AUH: variants seen among roughly 807,000 people sequenced by gnomAD.
The protein encoded by AUH is AU RNA binding methylglutaconyl-CoA hydratase.
In AUH, 29 loss-of-function variants were observed where a neutral mutation model predicts 42.3. The observed-to-expected ratio is 0.69, with a 90% CI of 0.51 to 0.93. The LOEUF (loss-of-function observed/expected upper bound fraction) is 0.93. AUH is among the 40% of genes least tolerant of loss of function. The pLI, the probability that AUH is intolerant of heterozygous loss-of-function variation, is 0.00. For synonymous variants in AUH, 174 were observed against 166.4 expected (o/e 1.05, Z -0.35); for missense variants, 452 against 438.1 (o/e 1.03, Z -0.28).
At chr9:91,333,107 G>T (rs1048773326) in intron 3 of AUH, among the ~76,000 whole-genome samples, 5 of 152,194 alleles carry the variant, frequency 3.3e-5, no homozygotes, top group Non-Finnish European at 1.5e-5. Context: ...CAGGGAGGGG[G>T]TATTACAAGA....
intron 6 of AUH, among the ~76,000 whole-genome samples, chr9:91,286,526 A>T (rs1034710474): frequency 1.3e-5 from 2 of 152,116 alleles, no homozygotes; most frequent in Non-Finnish European, 2.9e-5. Flanking sequence ...TCACTACCCC[A>T]ACCAAATGAT....
In AUH at chr9:91,230,706, T is replaced by C. The variant is rs367616258; in HGVS notation, c.656-9714A>G. The stretch of plus-strand genomic sequence containing the variant: ...GGTTTTATCTACTTTTGGTCTTTGA[T>C]GATGGTGATGTACAGATGGGTTTTT... On this transcript the variant is annotated intron_variant, in intron 6 of 9. Coordinates refer to ENST00000375731, the MANE Select transcript of AUH (RefSeq NM_001698.3). Among the ~76,000 whole-genome samples, 8 of 152,258 alleles carry C rather than the reference T, an allele frequency of 5.3e-5. No individual in the cohort carries two copies. The East Asian group carries it at 1.5e-3, about 29-fold the overall frequency.
intron 5 of AUH, 89 bp downstream of exon 5, chr9:91,297,895 G>T: frequency 9.3e-7 from 1 of 1,077,192 alleles, no homozygotes; most frequent in Non-Finnish European, 1.4e-6. Flanking sequence ...CTCAACAACA[G>T]GAAGCAGAAT....
rs545815764 is a variant in AUH at position 91,335,040 on chromosome 9, C to T, written c.419-9636G>A. On this transcript the variant is annotated intron_variant, in intron 3 of 9. Coordinates refer to ENST00000375731, the MANE Select transcript of AUH (RefSeq NM_001698.3). ...AGGAAACTAGTCTGTTTTTCTTTCC[C>T]GCTGCTCTTACGTGGTGGTTGTCAG... Among the ~76,000 whole-genome samples the T allele has an allele frequency of 3.8e-4, 58 of 152,148 alleles. 1 individual carries two copies. The highest frequency in any genetic ancestry group is 7.2e-4 in the Non-Finnish European group (49 of 68,030).
intron 5 of AUH, among the ~76,000 whole-genome samples, chr9:91,296,995 GAGA>G (rs1827390435): frequency 6.6e-6 from 1 of 152,230 alleles, no homozygotes; most frequent in Admixed American, 6.5e-5. Flanking sequence ...TGGAAAGCAA[GAGA>G]AGAACAGTGA....
chr9:91,250,777 G>A (rs1013197585), intron 6 of AUH, among the ~76,000 whole-genome samples: 2 of 152,180 alleles, frequency 1.3e-5, no homozygotes, highest in Non-Finnish European at 2.9e-5. Flanking sequence ...GATGTCCTCC[G>A]TCTTTTGACG....
intron 6 of AUH, among the ~76,000 whole-genome samples, chr9:91,239,411 G>A (rs1828374939): frequency 6.6e-6 from 1 of 152,136 alleles, no homozygotes; most frequent in African/African-American, 2.4e-5. Flanking sequence ...ACCATGGGAG[G>A]AAACACTGCA....
At chr9:91,287,219 A>C (rs556772416) in intron 6 of AUH, among the ~76,000 whole-genome samples, 1 of 152,298 alleles carries the variant, frequency 6.6e-6, no homozygotes, top group Admixed American at 6.5e-5. Context: ...CTTGCCAAAA[A>C]TGAATAATCT....
In AUH at chr9:91,280,762, C is replaced by T. The variant is rs189748857; in HGVS notation, c.655+15259G>A. On this transcript the variant is annotated intron_variant, in intron 6 of 9. Transcript: ENST00000375731. ...GGGCTAGGCCCCTTGGTCTTACACT[C>T]GAGAGAACAAGAGATGAGCTTCAAA... Among the ~76,000 whole-genome samples the T allele has an allele frequency of 1.6e-4, 24 of 152,220 alleles. 1 individual carries two copies. The East Asian group carries it at 4.1e-3, about 26-fold the overall frequency.
intron 6 of AUH, among the ~76,000 whole-genome samples, chr9:91,284,911 A>G (rs1348277107): frequency 6.6e-6 from 1 of 152,222 alleles, no homozygotes; most frequent in Non-Finnish European, 1.5e-5. Flanking sequence ...GCAATTCCTC[A>G]GGGATCTAGA....
In AUH at chr9:91,237,575, A is replaced by G. The variant is rs183117709; in HGVS notation, c.656-16583T>C. Among the ~76,000 whole-genome samples the G allele has an allele frequency of 4.1e-4, 62 of 152,340 alleles. 1 individual carries two copies. The highest frequency in any genetic ancestry group is 1.2e-3 in the African/African-American group (49 of 41,578). The stretch of plus-strand genomic sequence containing the variant: ...AGTATCCTCTAACGCTGAACAGTTA[A>G]GTTTTTAATCTTTGGAAATCATAAT... On this transcript the variant is annotated intron_variant, in intron 6 of 9. Transcript: ENST00000375731.
intron 6 of AUH, among the ~76,000 whole-genome samples, chr9:91,258,380 C>A (rs891250474): frequency 6.6e-6 from 1 of 152,100 alleles, no homozygotes. Context: ...GGACTACAGG[C>A]ATGCACCACC....
chr9:91,219,191 T>A (rs1359423500), intron 7 of AUH, among the ~76,000 whole-genome samples: 1 of 152,170 alleles, frequency 6.6e-6, no homozygotes, highest in Non-Finnish European at 1.5e-5. Flanking sequence ...CACAGAAGCA[T>A]CATGGGAGAG....
intron 9 of AUH, among the ~76,000 whole-genome samples, chr9:91,215,485 A>G (rs147917941): frequency 1.3e-5 from 2 of 152,344 alleles, no homozygotes; most frequent in African/African-American, 4.8e-5. Context: ...AGGGAATAAT[A>G]AGGAAAAAAG....
chr9:91,266,251 A>C (rs1193774744), intron 6 of AUH, among the ~76,000 whole-genome samples: 1 of 152,018 alleles, frequency 6.6e-6, no homozygotes, highest in Non-Finnish European at 1.5e-5. Flanking sequence ...AATCCCAGCT[A>C]CTTGGGAGGC....
intron 4 of AUH, among the ~76,000 whole-genome samples, chr9:91,317,541 T>A (rs1587846100): frequency 6.6e-6 from 1 of 152,230 alleles, no homozygotes; most frequent in South Asian, 2.1e-4. Context: ...GCAACACTCT[T>A]ATTTCTAATA....
chr9:91,266,616 C>T (rs79219699), intron 6 of AUH, among the ~76,000 whole-genome samples: 14,938 of 152,106 alleles, frequency 0.098, 759 homozygotes, highest in Middle Eastern at 0.12. Context: ...AAATGAGTGT[C>T]ATATAATTTG....
intron 6 of AUH, among the ~76,000 whole-genome samples, chr9:91,253,828 C>T (rs1186764947): frequency 6.6e-6 from 1 of 152,164 alleles, no homozygotes; most frequent in African/African-American, 2.4e-5. Flanking sequence ...TCTTTGTATA[C>T]TTTAAAGTGT....
intron 5 of AUH, 147 bp from the exon 6 acceptor site, chr9:91,296,224 G>A (rs1827322086): frequency 1.2e-6 from 1 of 806,260 alleles, no homozygotes; most frequent in Non-Finnish European, 2.0e-6. Context: ...AAAAGGCATT[G>A]TTATGGAAAT....
Sources: gnomAD v4.1 joint callset for allele counts (sites outside exome capture counted in the v4.1 genomes callset) on GRCh38, gnomAD v4.1.1 for gene constraint, MANE v1.5 for transcripts, NCBI Gene and HGNC (gene_info 2026-07-23, HGNC 2026-07-21) for gene names.